PCDHA9: variants seen among roughly 807,000 people sequenced by gnomAD.
PCDHA9 encodes protocadherin alpha 9.
In PCDHA9, 62 loss-of-function variants were observed where a neutral mutation model predicts 62.0. The ratio of observed to expected loss-of-function variants is 1.00; its 90% CI spans 0.81 to 1.23. The LOEUF is 1.23. PCDHA9 is among the 50% of genes most tolerant of loss of function. The pLI is 0.00. For synonymous variants in PCDHA9, 557 were observed against 567.6 expected, an observed-to-expected ratio of 0.98 and a Z score of 0.27; for missense variants, 1,205 against 1,249.8, an observed-to-expected ratio of 0.96 and a Z score of 0.54.
rs150544958 is a variant in PCDHA9, at chr5:140,940,065, T to C, written c.2395-38884T>C. ...TATTAGATTCTTAACCAAATATAAA[T>C]ATGTGATATCTTTCTGCTAAATTGA... On this transcript the variant is annotated intron_variant, in intron 1 of 3. Coordinates refer to ENST00000532602, the MANE Select transcript of PCDHA9 (RefSeq NM_031857.2). Among the ~76,000 whole-genome samples the C allele has an allele frequency of 2.1e-3, 313 of 152,364 alleles. 1 individual carries two copies. Among genetic ancestry groups the C allele is most frequent in the African/African-American group, 7.1e-3 (295 of 41,596 alleles).
At chr5:140,984,597 T>TA (rs1554246418) in intron 3 of PCDHA9, among the ~76,000 whole-genome samples, 1 of 152,182 alleles carries the variant, frequency 6.6e-6, no homozygotes, top group East Asian at 1.9e-4. Flanking sequence ...TTTCAATACA[T>TA]ACCTCTGCAT....
At chr5:140,967,060 G>A in intron 1 of PCDHA9, 1 of 1,612,802 alleles carries the variant, frequency 6.2e-7, no homozygotes, top group Non-Finnish European at 8.5e-7. Flanking sequence ...CGAGTGGAGC[G>A]CTCTTCGTCA....
At chr5:140,936,163 G>A (rs2090818025) in intron 1 of PCDHA9, among the ~76,000 whole-genome samples, 1 of 152,090 alleles carries the variant, frequency 6.6e-6, no homozygotes, top group African/African-American at 2.4e-5. Flanking sequence ...AAAGTGCTGG[G>A]ATTAGAGGCC....
intron 1 of PCDHA9, among the ~76,000 whole-genome samples, chr5:140,917,068 GAGTTTAATGTAAAGTTCCCC>G (rs1192645655): frequency 1.3e-5 from 2 of 152,066 alleles, no homozygotes; most frequent in Non-Finnish European, 2.9e-5. Context: ...CGACAGCACC[GAGTTTAATGTAAAGTTCCCC>G]AGTTGCTGTG....
Position 140,851,117 on chromosome 5 carries a change from T to C in PCDHA9, c.2394+228T>C, listed in dbSNP as rs932245132. 14 of 1,306,346 alleles carry C rather than the reference T, an allele frequency of 1.1e-5. No homozygotes were observed. The African/African-American group carries it at 2.0e-4, about 19-fold the overall frequency. 80.9% of individuals were successfully genotyped at this position (1,306,346 alleles called of 1,614,324 possible). On this transcript the variant is annotated intron_variant, in intron 1 of 3. Transcript: ENST00000532602. ...ATATTTTTTGGGTGCTGAATCAATT[T>C]TATTTAAATTTGTGATTAAAGTGAC... is the stretch of plus-strand genomic sequence containing the variant.
chr5:140,862,830 C>A (rs781933426), intron 1 of PCDHA9: 1 of 572,350 alleles, frequency 1.7e-6, no homozygotes, highest in South Asian at 1.4e-5. Context: ...GAGCGCGCGA[C>A]GCGGGCATGC....
At chr5:140,882,643 C>T in intron 1 of PCDHA9, 1 of 1,614,190 alleles carries the variant, frequency 6.2e-7, no homozygotes, top group Non-Finnish European at 8.5e-7. Context: ...AGGTGAGGGA[C>T]ATTAACGACA....
At chr5:140,922,391 G>T (rs1354789717) in intron 1 of PCDHA9, among the ~76,000 whole-genome samples, 1 of 152,182 alleles carries the variant, frequency 6.6e-6, no homozygotes, top group Non-Finnish European at 1.5e-5. Context: ...AAGACTCCTT[G>T]TTTTGGATTA....
chr5:140,989,534 A>G (rs1201139003), intron 3 of PCDHA9, among the ~76,000 whole-genome samples: 1 of 152,184 alleles, frequency 6.6e-6, no homozygotes, highest in African/African-American at 2.4e-5. Flanking sequence ...GGAGGAAGAT[A>G]GTTTGTAATT....
At position 140,849,523 on chromosome 5, in the gene PCDHA9, T is replaced by A. The variant is rs2150439737; in HGVS notation, c.1028T>A (p.Val343Glu). Residue 343 changes from valine (V) to glutamate (E), a missense_variant, in exon 1 of 4, where the codon GTA becomes GAA. Transcript: ENST00000532602. ...HCTLLVEVVD[V>E]NDNAPQLTIK... ...ACACTTCTTGTGGAAGTTGTGGATG[T>A]AAATGACAATGCTCCACAGTTGACT... The A allele has an allele frequency of 6.3e-7, 1 of 1,597,506 alleles. No individual in the cohort carries two copies. The highest frequency in any genetic ancestry group is 1.3e-5 in the African/African-American group (1 of 74,164).
rs782194896 is a variant in PCDHA9 at position 140,992,662 on chromosome 5, G to A, written c.2542+10099G>A. Among the ~76,000 whole-genome samples, 4 of 152,160 alleles carry A rather than the reference G, an allele frequency of 2.6e-5. 1 individual carries two copies. The highest frequency in any genetic ancestry group is 5.9e-5 in the Non-Finnish European group (4 of 68,028). ...GAAAATAGAAGAAAGAGCCTGATTGGTGTGTATGTGTGTGTTAGGGGTTGA... is the reference window on the plus strand; with the variant it reads ...GAAAATAGAAGAAAGAGCCTGATTGATGTGTATGTGTGTGTTAGGGGTTGA... On this transcript the variant is annotated intron_variant, in intron 3 of 3. Transcript: ENST00000532602.
intron 1 of PCDHA9, among the ~76,000 whole-genome samples, chr5:140,973,202 T>C (rs1266876355): frequency 3.3e-5 from 5 of 152,244 alleles, no homozygotes; most frequent in African/African-American, 1.2e-4. Flanking sequence ...TATGTGTGCA[T>C]ATTCACCCTA....
chr5:140,970,933 G>T (rs782607345), intron 1 of PCDHA9, among the ~76,000 whole-genome samples: 6 of 152,176 alleles, frequency 3.9e-5, no homozygotes, highest in African/African-American at 9.7e-5. Context: ...CCTGGTGTTA[G>T]TCAATGCTGA....
At chr5:140,905,766 A>G (rs782122019) in intron 1 of PCDHA9, among the ~76,000 whole-genome samples, 15 of 152,144 alleles carry the variant, frequency 9.9e-5, no homozygotes, top group African/African-American at 2.7e-4. Flanking sequence ...GGTTAAGTAT[A>G]TTCCGAAGTG....
intron 3 of PCDHA9, among the ~76,000 whole-genome samples, chr5:140,986,982 G>A (rs782173410): frequency 3.9e-5 from 6 of 152,164 alleles, no homozygotes; most frequent in Non-Finnish European, 8.8e-5. Context: ...GGGAGGCCAA[G>A]GCAGGCAGAT....
intron 1 of PCDHA9, chr5:140,870,864 C>A (rs782241816): frequency 5.6e-6 from 9 of 1,613,934 alleles, no homozygotes; most frequent in Non-Finnish European, 7.6e-6. Context: ...TGGGTGCGGG[C>A]CACGTGGTGG....
In PCDHA9 at chr5:140,850,519, C is replaced by T. The variant is rs2150487298; in HGVS notation, c.2024C>T (p.Ala675Val). The change falls in exon 1 of 4, where the codon GCG (alanine) becomes GTG (valine). Residue 675 changes from alanine (A) to valine (V), a missense_variant. Physicochemically the swap from Ala to Val is moderately conservative, Grantham distance 64. Around this residue, in one of 3 missense-constraint regions of PCDHA9, gnomAD observed 887 missense variants for 809.5 expected, o/e 1.10. Coordinates refer to ENST00000532602, the MANE Select transcript of PCDHA9 (RefSeq NM_031857.2). ...VLVSLVESGQ[A>V]PKSSSRASVG... ...GTGTCGCTGGTGGAGAGCGGCCAGG[C>T]GCCAAAGTCATCGTCGCGGGCGTCA... 675 of 1,598,240 alleles carry T rather than the reference C, an allele frequency of 4.2e-4. 26 individuals carry two copies. In the South Asian group the frequency reaches 6.8e-3, roughly 16 times the overall value.
chr5:140,993,462 T>TCACACACACACA (rs3836747), intron 3 of PCDHA9, among the ~76,000 whole-genome samples: 55 of 141,044 alleles, frequency 3.9e-4, no homozygotes, highest in Non-Finnish European at 5.3e-4. Context: ...TCTTTCTTTC[T>TCACACACACACA]CACACACACA....
rs782673935 is a variant in PCDHA9 at position 140,857,328 on chromosome 5, G to A, written c.2394+6439G>A. ...GCCTATGAGCTGGTGGTGACCGCGC[G>A]GGACGGGGGCTCGCCTCCGCTGTGG... is the stretch of plus-strand genomic sequence containing the variant. On this transcript the variant is annotated intron_variant, in intron 1 of 3. Transcript: ENST00000532602. 7.5e-6 allele frequency: 12 copies of A among 1,598,502 alleles called. 1 individual carries two copies. The highest frequency in any genetic ancestry group is 1.3e-5 in the African/African-American group (1 of 74,410).
Sources: allele counts gnomAD v4.1 joint callset (sites outside exome capture counted in the v4.1 genomes callset), GRCh38; gene constraint gnomAD v4.1.1; regional missense constraint gnomAD v4.1.1; transcripts MANE v1.5; gene names NCBI Gene and HGNC (gene_info 2026-07-23, HGNC 2026-07-21).